The following SOX6 variants were observed in gnomAD, a reference collection of about 807,000 sequenced individuals.
The protein encoded by SOX6 is SRY-box transcription factor 6.
SOX6 carries 11 observed loss-of-function variants against 97.8 expected under a neutral mutation model. The ratio of observed to expected loss-of-function variants is 0.11; its 90% CI spans 0.07 to 0.19. The LOEUF is 0.19. Among genes scored for constraint, SOX6 ranks in the 10% least tolerant of loss-of-function variants. The pLI, the probability that SOX6 is intolerant of heterozygous loss-of-function variation, is 1.00. For missense variants in SOX6, 810 were observed against 1,039.5 expected, an observed-to-expected ratio of 0.78 and a Z score of 3.04; for synonymous variants, 360 against 371.4, an observed-to-expected ratio of 0.97 and a Z score of 0.35.
chr11:16,685,480 T>C (rs546156622), intron 3 of SOX6, among the ~76,000 whole-genome samples: 4 of 152,212 alleles, frequency 2.6e-5, no homozygotes, highest in Non-Finnish European at 5.9e-5. Flanking sequence ...CATGAAAGTT[T>C]GAAAAAACCA....
At chr11:16,023,280 A>G (rs1295969945) in intron 12 of SOX6, 1 of 151,888 alleles carries the variant, frequency 6.6e-6, no homozygotes, top group African/African-American at 2.4e-5. Flanking sequence ...GTTCTCCTCA[A>G]CTTGCTCCTC....
At chr11:16,433,597 T>C (rs913706119) in intron 1 of SOX6, among the ~76,000 whole-genome samples, 1 of 152,116 alleles carries the variant, frequency 6.6e-6, no homozygotes, top group Non-Finnish European at 1.5e-5. Context: ...GCTTCCAATT[T>C]AATTATTTTA....
At chr11:16,543,029 A>AAC (rs1005663163) in intron 4 of SOX6, among the ~76,000 whole-genome samples, 14 of 151,614 alleles carry the variant, frequency 9.2e-5, no homozygotes, top group African/African-American at 2.7e-4. Flanking sequence ...CACACACACA[A>AAC]ACACACACAC....
intron 3 of SOX6, among the ~76,000 whole-genome samples, chr11:16,301,759 A>G (rs1051160935): frequency 6.6e-6 from 1 of 152,164 alleles, no homozygotes; most frequent in African/African-American, 2.4e-5. Flanking sequence ...CCTGAAAGCA[A>G]CAATGATAAT....
chr11:16,211,575 G>A (rs1024683670), intron 4 of SOX6, among the ~76,000 whole-genome samples: 2 of 152,156 alleles, frequency 1.3e-5, no homozygotes, highest in South Asian at 2.1e-4. Context: ...CAGGCTTCTA[G>A]GGTAAGGTGA....
intron 1 of SOX6, among the ~76,000 whole-genome samples, chr11:16,476,129 G>A (rs945467861): frequency 6.6e-6 from 1 of 152,090 alleles, no homozygotes; most frequent in African/African-American, 2.4e-5. Flanking sequence ...ACAAATTGAG[G>A]CTTCTTTACC....
intron 4 of SOX6, among the ~76,000 whole-genome samples, chr11:16,595,176 A>T (rs1182347438): frequency 6.6e-6 from 1 of 152,088 alleles, no homozygotes; most frequent in African/African-American, 2.4e-5. Context: ...TTTTTAATGT[A>T]GAGATTTCAT....
At chr11:16,129,356 T>TC (rs976911725) in intron 6 of SOX6, among the ~76,000 whole-genome samples, 1 of 152,314 alleles carries the variant, frequency 6.6e-6, no homozygotes, top group Non-Finnish European at 1.5e-5. Flanking sequence ...CTCTTTTTTT[T>TC]CCCACTTCCC....
chr11:16,632,936 C>A (rs1254867777), intron 3 of SOX6, among the ~76,000 whole-genome samples: 3 of 152,134 alleles, frequency 2.0e-5, no homozygotes, highest in Non-Finnish European at 2.9e-5. Context: ...GGCTTCCCTG[C>A]ACCAGGATCT....
intron 3 of SOX6, among the ~76,000 whole-genome samples, chr11:16,276,323 A>G (rs755410767): frequency 1.3e-5 from 2 of 152,196 alleles, no homozygotes; most frequent in Admixed American, 1.3e-4. Context: ...GTAGCCCTGT[A>G]AGAGACTAGG....
chr11:16,450,674 T>C (rs1859700131), intron 1 of SOX6, among the ~76,000 whole-genome samples: 1 of 152,230 alleles, frequency 6.6e-6, no homozygotes, highest in Non-Finnish European at 1.5e-5. Flanking sequence ...TCCATAAAAA[T>C]GTCACCTGAG....
chr11:16,211,301 T>C lies in SOX6; in HGVS notation c.535+23281A>G, dbSNP rs554261621. Among the ~76,000 whole-genome samples the C allele has an allele frequency of 2.0e-5, 3 of 152,186 alleles. No homozygotes were observed. The South Asian group carries it at 6.2e-4, about 32-fold the overall frequency. On this transcript the variant is annotated intron_variant, in intron 4 of 15. Coordinates refer to ENST00000683767, the MANE Select transcript of SOX6 (RefSeq NM_001367873.1). Reference sequence around the variant, plus strand: ...GACTTAACTTTTTAAAAGGTTAGTCTGGCTTCTGTGTGGAAAACAGACTGT... The same window carrying C: ...GACTTAACTTTTTAAAAGGTTAGTCCGGCTTCTGTGTGGAAAACAGACTGT...
chr11:16,498,956 G>A (rs1860656203), intron 4 of SOX6, among the ~76,000 whole-genome samples: 1 of 152,144 alleles, frequency 6.6e-6, no homozygotes, highest in Non-Finnish European at 1.5e-5. Flanking sequence ...GCACCAAGCA[G>A]ACTTAATAGA....
At chr11:16,298,856 A>G (rs1216352613) in intron 3 of SOX6, among the ~76,000 whole-genome samples, 1 of 152,034 alleles carries the variant, frequency 6.6e-6, no homozygotes, top group Admixed American at 6.6e-5. Context: ...TCCTACCAAG[A>G]TGAAGATAGA....
chr11:16,259,973 G>GTA (rs1554950237), intron 3 of SOX6, among the ~76,000 whole-genome samples: 2,414 of 145,244 alleles, frequency 0.017, 31 homozygotes, highest in African/African-American at 0.023. Context: ...GTGTGTGTGT[G>GTA]TATATATACA....
chr11:16,535,497 C>T (rs1377252076), intron 4 of SOX6, among the ~76,000 whole-genome samples: 3 of 152,064 alleles, frequency 2.0e-5, no homozygotes, highest in Non-Finnish European at 2.9e-5. Context: ...CATGGCAAAA[C>T]CCCGTCTCTA....
At chr11:16,106,089 G>A (rs1218767267) in intron 7 of SOX6, among the ~76,000 whole-genome samples, 1 of 152,022 alleles carries the variant, frequency 6.6e-6, no homozygotes, top group Non-Finnish European at 1.5e-5. Flanking sequence ...TGTGCTCATG[G>A]GTAGGAAGAT....
chr11:16,506,042 G>A (rs548770902), intron 4 of SOX6, among the ~76,000 whole-genome samples: 4 of 152,374 alleles, frequency 2.6e-5, no homozygotes, highest in African/African-American at 9.6e-5. Context: ...GCCCCACACA[G>A]AGTCCCTGCT....
chr11:16,211,094 C>A (rs1852213346), intron 4 of SOX6, among the ~76,000 whole-genome samples: 1 of 151,660 alleles, frequency 6.6e-6, no homozygotes, highest in Admixed American at 6.6e-5. Context: ...AGTAGGTAAA[C>A]ACATAAAAAT....
Sources: allele counts gnomAD v4.1 joint callset (sites outside exome capture counted in the v4.1 genomes callset), GRCh38; gene constraint gnomAD v4.1.1; transcripts MANE v1.5; gene names NCBI Gene and HGNC (gene_info 2026-07-23, HGNC 2026-07-21).